The following MIPEP variants were observed in gnomAD, a reference collection of about 807,000 sequenced individuals.
MIPEP encodes mitochondrial intermediate peptidase.
In MIPEP, 79 loss-of-function variants were observed where a neutral mutation model predicts 90.3. That is an observed-to-expected ratio of 0.87 (90% CI 0.73 to 1.05). The LOEUF (loss-of-function observed/expected upper bound fraction) is 1.05. Ranked by LOEUF, MIPEP falls within the 50% of genes least tolerant of loss-of-function variation. MIPEP has a pLI of 0.00. For missense variants in MIPEP, 940 were observed against 905.6 expected, an observed-to-expected ratio of 1.04 and a Z score of -0.49; for synonymous variants, 334 against 315.8, an observed-to-expected ratio of 1.06 and a Z score of -0.61.
chr13:23,768,128 C>T (rs1455621628), intron 16 of MIPEP, among the ~76,000 whole-genome samples: 4 of 132,832 alleles, frequency 3.0e-5, no homozygotes, highest in African/African-American at 1.0e-4. Flanking sequence ...GGAATCACCA[C>T]CTTGGACTCA....
intron 16 of MIPEP, among the ~76,000 whole-genome samples, chr13:23,775,105 T>TTC (rs1376200727): frequency 0.04 from 1,069 of 26,846 alleles, 20 homozygotes; most frequent in African/African-American, 0.095. Context: ...AGCCTATCAG[T>TTC]TCTCTGTGTG....
At chr13:23,880,354 G>A (rs540855511) in intron 3 of MIPEP, among the ~76,000 whole-genome samples, 64 of 152,236 alleles carry the variant, frequency 4.2e-4, no homozygotes, top group Admixed American at 2.4e-3. Context: ...GCTCACCCAC[G>A]GAGCCACTCC....
chr13:23,751,504 T>G (rs1952440666), intron 18 of MIPEP, among the ~76,000 whole-genome samples: 1 of 152,224 alleles, frequency 6.6e-6, no homozygotes, highest in Non-Finnish European at 1.5e-5. Flanking sequence ...CTCCATAAAG[T>G]TATTATTTAG....
At chr13:23,782,813 G>A (rs146619397) in intron 16 of MIPEP, among the ~76,000 whole-genome samples, 74,286 of 151,898 alleles carry the variant, frequency 0.49, 19,221 homozygotes, top group South Asian at 0.65. Context: ...TACCATCAGA[G>A]AATACTATAA....
chr13:23,855,556 C>G (rs1248995249), intron 10 of MIPEP, among the ~76,000 whole-genome samples: 2 of 152,142 alleles, frequency 1.3e-5, no homozygotes, highest in Non-Finnish European at 2.9e-5. Flanking sequence ...ATTTAGAAAT[C>G]TTCACTTTGT....
At chr13:23,741,291 C>T (rs375641055) in intron 18 of MIPEP, among the ~76,000 whole-genome samples, 28 of 152,250 alleles carry the variant, frequency 1.8e-4, no homozygotes, top group South Asian at 1.7e-3. Context: ...AATAGAACTA[C>T]CATCTGACCC....
intron 11 of MIPEP, among the ~76,000 whole-genome samples, chr13:23,840,887 G>A (rs1869266981): frequency 6.6e-6 from 1 of 152,148 alleles, no homozygotes; most frequent in South Asian, 2.1e-4. Context: ...TATCAAAGAA[G>A]TTAAATAAAT....
intron 14 of MIPEP, among the ~76,000 whole-genome samples, chr13:23,824,912 T>C (rs748811776): frequency 6.6e-6 from 1 of 152,186 alleles, no homozygotes; most frequent in African/African-American, 2.4e-5. Flanking sequence ...TCAGATGGCT[T>C]TGAGTTTTGC....
chr13:23,790,476 G>A (rs1258058198), intron 16 of MIPEP, among the ~76,000 whole-genome samples: 1 of 152,206 alleles, frequency 6.6e-6, no homozygotes, highest in East Asian at 1.9e-4. Flanking sequence ...AATGGACTTT[G>A]CAGATGTGAT....
intron 16 of MIPEP, among the ~76,000 whole-genome samples, chr13:23,779,598 C>A (rs575197640): frequency 6.6e-6 from 1 of 152,022 alleles, no homozygotes; most frequent in African/African-American, 2.4e-5. Flanking sequence ...TGGGGCTCGT[C>A]GGACAGTAGG....
At chr13:23,850,555 A>C (rs1657817108) in intron 10 of MIPEP, among the ~76,000 whole-genome samples, 1 of 152,226 alleles carries the variant, frequency 6.6e-6, no homozygotes, top group Non-Finnish European at 1.5e-5. Flanking sequence ...GTTCACTGAA[A>C]ACTGTGGTTA....
At chr13:23,761,366 T>C (rs1175449479) in intron 16 of MIPEP, among the ~76,000 whole-genome samples, 1 of 151,972 alleles carries the variant, frequency 6.6e-6, no homozygotes, top group Admixed American at 6.6e-5. Context: ...GTGGCAGGAG[T>C]GCCAATGGTG....
intron 14 of MIPEP, among the ~76,000 whole-genome samples, chr13:23,835,052 A>G (rs1457698614): frequency 8.0e-6 from 1 of 125,706 alleles, no homozygotes; most frequent in African/African-American, 2.9e-5. Context: ...TAACAGTCTC[A>G]CTCTGTTGCC....
At chr13:23,761,849 G>A (rs1952548260) in intron 16 of MIPEP, among the ~76,000 whole-genome samples, 1 of 152,236 alleles carries the variant, frequency 6.6e-6, no homozygotes, top group Non-Finnish European at 1.5e-5. Flanking sequence ...CTTGGGCCGG[G>A]CACAGTGGCT....
chr13:23,759,988 T>G, intron 17 of MIPEP, 108 bp downstream of exon 17: 1 of 1,407,264 alleles, frequency 7.1e-7, no homozygotes, highest in South Asian at 1.3e-5. Flanking sequence ...TTCTGCCAGG[T>G]TTGGCTGTGT....
chr13:23,836,179 G>T (rs1869031353), intron 14 of MIPEP, 61 bp downstream of exon 14: 1 of 1,037,848 alleles, frequency 9.6e-7, no homozygotes, highest in Admixed American at 2.5e-5. Context: ...ATTTATCCAG[G>T]ATGTCATAAA....
chr13:23,818,332 A>G (rs576076942), intron 14 of MIPEP, among the ~76,000 whole-genome samples: 3 of 152,252 alleles, frequency 2.0e-5, no homozygotes, highest in African/African-American at 7.2e-5. Context: ...AGGCATGAGA[A>G]TCGCTGGAAC....
intron 16 of MIPEP, among the ~76,000 whole-genome samples, chr13:23,789,601 G>T (rs1952880594): frequency 6.6e-6 from 1 of 152,154 alleles, no homozygotes; most frequent in Admixed American, 6.5e-5. Context: ...AAAACTGAAC[G>T]GTCATCCTGG....
intron 18 of MIPEP, among the ~76,000 whole-genome samples, chr13:23,754,877 T>C (rs556267311): frequency 6.6e-6 from 1 of 152,354 alleles, no homozygotes; most frequent in South Asian, 2.1e-4. Context: ...CACTTTTGCC[T>C]GGGTCTGGAA....
Sources: allele counts gnomAD v4.1 joint callset (sites outside exome capture counted in the v4.1 genomes callset), GRCh38; gene constraint gnomAD v4.1.1; transcripts MANE v1.5; gene names NCBI Gene and HGNC (gene_info 2026-07-23, HGNC 2026-07-21).